RXFP1: variants seen among roughly 807,000 people sequenced by gnomAD.
RXFP1 encodes the protein relaxin receptor 1.
In RXFP1, 73 loss-of-function variants were observed where a neutral mutation model predicts 89.8. That is an observed-to-expected ratio of 0.81 (90% CI 0.67 to 0.99). The LOEUF is 0.99. Among genes scored for constraint, RXFP1 ranks in the 50% least tolerant of loss-of-function variants. The pLI, the probability that RXFP1 is intolerant of heterozygous loss-of-function variation, is 0.00. For missense variants in RXFP1, 793 were observed against 895.5 expected (o/e 0.89, Z 1.46); for synonymous variants, 277 against 305.5 (o/e 0.91, Z 0.97).
chr4:158,572,231 G>A (rs569020139), intron 1 of RXFP1, among the ~76,000 whole-genome samples: 30 of 152,158 alleles, frequency 2.0e-4, no homozygotes, highest in Non-Finnish European at 3.4e-4. Context: ...CCTACTCCAC[G>A]TGTGTGCCCG....
At chr4:158,545,826 A>C (rs1247911095) in intron 1 of RXFP1, among the ~76,000 whole-genome samples, 1 of 152,188 alleles carries the variant, frequency 6.6e-6, no homozygotes, top group Admixed American at 6.5e-5. Flanking sequence ...TTTTGGTACC[A>C]GTGCCATGCT....
chr4:158,546,608 A>G (rs376197601), intron 1 of RXFP1, among the ~76,000 whole-genome samples: 8 of 152,180 alleles, frequency 5.3e-5, no homozygotes, highest in African/African-American at 1.9e-4. Flanking sequence ...AGCTCTTATT[A>G]TTTTGAGATA....
chr4:158,607,977 T>C lies in RXFP1; in HGVS notation c.470T>C (p.Leu157Pro). ...TTTAATAATCATTTTCACAGGTACC[T>C]GCAAAACAATAAGATTACATCCATC... Reference protein sequence around the residue: ...KNYHDLQKLYLQNNKITSISI... With the variant: ...KNYHDLQKLYPQNNKITSISI... The change falls in exon 6 of 18, where the codon CTG becomes CCG. Residue 157 changes from leucine (L) to proline (P), a missense_variant. Transcript: ENST00000307765. 1 of 1,598,834 alleles carries C rather than the reference T, an allele frequency of 6.3e-7. No individual in the cohort carries two copies. Among genetic ancestry groups the C allele is most frequent in the Admixed American group, 1.7e-5 (1 of 58,590 alleles).
chr4:158,551,108 T>G (rs1258450284), intron 1 of RXFP1, among the ~76,000 whole-genome samples: 1 of 151,744 alleles, frequency 6.6e-6, no homozygotes, highest in Non-Finnish European at 1.5e-5. Flanking sequence ...GTGGTATATA[T>G]ACATAATGGG....
intron 1 of RXFP1, chr4:158,543,989 T>C: frequency 4.1e-6 from 4 of 985,466 alleles, no homozygotes; most frequent in Non-Finnish European, 4.8e-6. Flanking sequence ...GTTTCGTCCA[T>C]TTTGCCCCTA....
At chr4:158,547,055 T>C (rs1430672789) in intron 1 of RXFP1, among the ~76,000 whole-genome samples, 1 of 152,200 alleles carries the variant, frequency 6.6e-6, no homozygotes, top group Middle Eastern at 3.2e-3. Flanking sequence ...TCTGGTAGAA[T>C]TCGGCTGTGA....
chr4:158,574,447 T>G (rs1561045338), intron 2 of RXFP1, among the ~76,000 whole-genome samples: 1 of 152,210 alleles, frequency 6.6e-6, no homozygotes, highest in Non-Finnish European at 1.5e-5. Flanking sequence ...ATTTCTTGAA[T>G]GTAACTGAAA....
intron 1 of RXFP1, among the ~76,000 whole-genome samples, chr4:158,538,298 A>C (rs1745741831): frequency 6.6e-6 from 1 of 152,164 alleles, no homozygotes; most frequent in Non-Finnish European, 1.5e-5. Context: ...CAGGCGTGGA[A>C]GCAGGAAGTC....
At chr4:158,632,684 A>G (rs1768300170) in intron 11 of RXFP1, among the ~76,000 whole-genome samples, 1 of 152,232 alleles carries the variant, frequency 6.6e-6, no homozygotes, top group African/African-American at 2.4e-5. Flanking sequence ...GGATAATATG[A>G]GAGCCTGTGT....
intron 9 of RXFP1, among the ~76,000 whole-genome samples, chr4:158,622,030 A>G (rs1387235050): frequency 5.9e-5 from 9 of 152,172 alleles, no homozygotes; most frequent in Non-Finnish European, 1.3e-4. Flanking sequence ...TAAAAATAGG[A>G]CCAGGTGCGG....
intron 2 of RXFP1, among the ~76,000 whole-genome samples, chr4:158,583,102 C>A (rs986923949): frequency 1.3e-5 from 2 of 152,158 alleles, no homozygotes; most frequent in African/African-American, 4.8e-5. Flanking sequence ...TTTGTTAATG[C>A]CCCAAAGTAT....
At chr4:158,646,554 G>GA (rs1447984543) in intron 15 of RXFP1, 8 of 1,334,388 alleles carry the variant, frequency 6.0e-6, no homozygotes, top group Non-Finnish European at 7.7e-6. Flanking sequence ...CACTTTAAAG[G>GA]AAAATGAAGA....
rs762809051 is a variant in RXFP1, at chr4:158,651,874, A to G, written c.2093A>G (p.Asn698Ser). Residue 698 changes from asparagine to serine, a missense_variant, in exon 18 of 18, where the codon AAC becomes AGC. Transcript: ENST00000307765. ...GAAATGATTCATCGGTTTTGGTATA[A>G]CTACAGACAAAGAAAATCTATGGAC... The part of the protein sequence containing the change: ...FKEMIHRFWY[N>S]YRQRKSMDSK... The G allele has an allele frequency of 6.8e-6, 11 of 1,614,184 alleles. No homozygotes were observed. Among genetic ancestry groups the G allele is most frequent in the Non-Finnish European group, 9.3e-6 (11 of 1,180,022 alleles).
At chr4:158,582,712 C>A (rs1205753739) in intron 2 of RXFP1, among the ~76,000 whole-genome samples, 5 of 152,176 alleles carry the variant, frequency 3.3e-5, no homozygotes, top group Non-Finnish European at 7.3e-5. Context: ...GTGGGTCCTG[C>A]CATACATATG....
chr4:158,646,216 A>G (rs979389285), intron 15 of RXFP1: 10 of 334,778 alleles, frequency 3.0e-5, no homozygotes, highest in Non-Finnish European at 1.7e-5. Flanking sequence ...AGTTTTGCTT[A>G]GACCAACTCT....
intron 12 of RXFP1, among the ~76,000 whole-genome samples, chr4:158,634,654 T>C (rs1021601632): frequency 1.3e-5 from 2 of 152,198 alleles, no homozygotes; most frequent in African/African-American, 4.8e-5. Flanking sequence ...AAGAGTCTTA[T>C]AGTTTTTAGC....
At chr4:158,598,122 G>T (rs1760983603) in intron 3 of RXFP1, among the ~76,000 whole-genome samples, 1 of 151,886 alleles carries the variant, frequency 6.6e-6, no homozygotes. Context: ...TGAGACACTT[G>T]CTTGCTCTCT....
chr4:158,586,131 G>C (rs1758267237), intron 2 of RXFP1, among the ~76,000 whole-genome samples: 2 of 152,196 alleles, frequency 1.3e-5, no homozygotes, highest in South Asian at 4.1e-4. Context: ...CTCCAGTGGA[G>C]AAGCCTGTAA....
chr4:158,584,896 C>A (rs1010070794), intron 2 of RXFP1, among the ~76,000 whole-genome samples: 1 of 152,144 alleles, frequency 6.6e-6, no homozygotes, highest in Admixed American at 6.5e-5. Context: ...ATTCATAACA[C>A]CTAGAAAATG....
Sources: allele counts gnomAD v4.1 joint callset (sites outside exome capture counted in the v4.1 genomes callset), GRCh38; gene constraint gnomAD v4.1.1; transcripts MANE v1.5; gene names NCBI Gene and HGNC (gene_info 2026-07-23, HGNC 2026-07-21).